Variants in TMEM38B observed in about 807,000 individuals in gnomAD.
TMEM38B encodes the protein transmembrane protein 38B, also known as trimeric intracellular cation channel type B.
Under a neutral mutation model 28.7 loss-of-function variants are expected in TMEM38B, and 24 were observed. That is an observed-to-expected ratio of 0.84 (90% CI 0.61 to 1.18). TMEM38B has a LOEUF of 1.18. TMEM38B is among the 50% of genes most tolerant of loss of function. The pLI is 0.00. For missense variants in TMEM38B, 380 were observed against 350.9 expected, an observed-to-expected ratio of 1.08 and a Z score of -0.66; for synonymous variants, 131 against 127.7, an observed-to-expected ratio of 1.03 and a Z score of -0.17.
rs749666459 is a variant in TMEM38B, at chr9:105,773,955, T to G, written c.751T>G (p.Phe251Val). Residue 251 changes from phenylalanine to valine, a missense_variant, in exon 6 of 6, where the codon TTT becomes GTT. Transcript: ENST00000374692. ...GATGCTATTTGGCTGGCAGCAGCCG[T>G]TTTCATCATGTGAGAAGAAAAGTGA... is the stretch of plus-strand genomic sequence containing the variant. ...SWMLFGWQQP[F>V]SSCEKKSEAK... The G allele has an allele frequency of 1.9e-6, 3 of 1,613,788 alleles. No individual in the cohort carries two copies. The highest frequency in any genetic ancestry group is 2.2e-5 in the South Asian group (2 of 91,070).
At chr9:105,713,764 T>C (rs186697593) in intron 2 of TMEM38B, among the ~76,000 whole-genome samples, 18 of 152,276 alleles carry the variant, frequency 1.2e-4, no homozygotes, top group Admixed American at 1.2e-3. Flanking sequence ...CATAGTGCCT[T>C]TTCCTGGGCC....
At chr9:105,739,266 A>C (rs1837098619) in intron 4 of TMEM38B, among the ~76,000 whole-genome samples, 1 of 148,996 alleles carries the variant, frequency 6.7e-6, no homozygotes, top group African/African-American at 2.5e-5. Flanking sequence ...ATTTTAGTTA[A>C]GTCCCCAAAT....
At chr9:105,734,372 C>T (rs1836886867) in intron 4 of TMEM38B, among the ~76,000 whole-genome samples, 1 of 151,998 alleles carries the variant, frequency 6.6e-6, no homozygotes, top group Non-Finnish European at 1.5e-5. Context: ...GTGGTCCATC[C>T]TGGAGAATGT....
intron 5 of TMEM38B, among the ~76,000 whole-genome samples, chr9:105,768,979 T>C (rs1298163706): frequency 6.6e-6 from 1 of 152,230 alleles, no homozygotes; most frequent in Non-Finnish European, 1.5e-5. Context: ...TTGATAAATT[T>C]GACTCCATAA....
In TMEM38B at chr9:105,776,605, T is replaced by C. The variant is rs1826723993; in HGVS notation, c.*2525T>C. Reference sequence around the variant, plus strand: ...TTCTTTCCCCCAATAAAGCCCTTTATAGTGTTTGCCCCAGGTGTAATTCAC... The same window carrying C: ...TTCTTTCCCCCAATAAAGCCCTTTACAGTGTTTGCCCCAGGTGTAATTCAC... On this transcript the variant is annotated 3_prime_UTR_variant, in exon 6 of 6. Coordinates refer to ENST00000374692, the MANE Select transcript of TMEM38B (RefSeq NM_018112.3). 1 of 152,186 alleles carries C rather than the reference T, an allele frequency of 6.6e-6. No individual in the cohort carries two copies. Among genetic ancestry groups the C allele is most frequent in the Admixed American group, 6.5e-5 (1 of 15,272 alleles). 9.4% of individuals were successfully genotyped at this position (152,186 alleles called of 1,614,324 possible).
At chr9:105,745,732 C>A (rs887798486) in intron 4 of TMEM38B, among the ~76,000 whole-genome samples, 36 of 152,088 alleles carry the variant, frequency 2.4e-4, no homozygotes, top group African/African-American at 4.1e-4. Context: ...TCTAACATTT[C>A]AGTCTTTAAT....
chr9:105,735,706 T>G (rs1836947172), intron 4 of TMEM38B, among the ~76,000 whole-genome samples: 1 of 152,202 alleles, frequency 6.6e-6, no homozygotes, highest in Non-Finnish European at 1.5e-5. Context: ...TCTGGATGTT[T>G]TTAGAATTCT....
At chr9:105,741,074 A>G (rs990228650) in intron 4 of TMEM38B, among the ~76,000 whole-genome samples, 2 of 152,184 alleles carry the variant, frequency 1.3e-5, no homozygotes, top group African/African-American at 4.8e-5. Flanking sequence ...TCCTTATAAG[A>G]GGAAAACAGA....
intron 2 of TMEM38B, among the ~76,000 whole-genome samples, chr9:105,713,693 A>G (rs1340298030): frequency 6.6e-6 from 1 of 152,160 alleles, no homozygotes; most frequent in Non-Finnish European, 1.5e-5. Context: ...CCCCACCTTC[A>G]GGCTTGGGCA....
chr9:105,694,583 C>A lies in TMEM38B; in HGVS notation c.-78C>A. 8.5e-7 allele frequency: 1 copy of A among 1,182,504 alleles called. No individual in the cohort carries two copies. The highest frequency in any genetic ancestry group is 1.2e-6 in the Non-Finnish European group (1 of 810,900). 73.3% of individuals were successfully genotyped at this position (1,182,504 alleles called of 1,614,324 possible). ...GGAGGAGCGGGCGGCCGCGGCTGTG[C>A]CCTCTCCTACTCCTCACCGCGCGAG... On this transcript the variant is annotated 5_prime_UTR_variant, in exon 1 of 6. Coordinates refer to ENST00000374692, the MANE Select transcript of TMEM38B (RefSeq NM_018112.3).
chr9:105,756,134 G>C (rs1837822856), intron 5 of TMEM38B, among the ~76,000 whole-genome samples: 1 of 152,162 alleles, frequency 6.6e-6, no homozygotes, highest in African/African-American at 2.4e-5. Context: ...GGGCAACAGA[G>C]CCAGACTCTG....
At chr9:105,723,256 C>T (rs1361484016) in intron 4 of TMEM38B, among the ~76,000 whole-genome samples, 4 of 152,138 alleles carry the variant, frequency 2.6e-5, no homozygotes, top group African/African-American at 9.7e-5. Context: ...GAGACAGATT[C>T]TGTTGTTCAG....
chr9:105,762,394 C>A (rs1256989780), intron 5 of TMEM38B, among the ~76,000 whole-genome samples: 1 of 142,318 alleles, frequency 7.0e-6, no homozygotes, highest in Non-Finnish European at 1.5e-5. Flanking sequence ...TCTCCCAATG[C>A]TATCCCTCCC....
intron 2 of TMEM38B, among the ~76,000 whole-genome samples, chr9:105,716,055 C>T (rs1411047223): frequency 6.6e-6 from 1 of 152,144 alleles, no homozygotes; most frequent in Non-Finnish European, 1.5e-5. Flanking sequence ...ATGTAGTGTT[C>T]AAAAGATGAG....
intron 4 of TMEM38B, among the ~76,000 whole-genome samples, chr9:105,739,835 C>T (rs111750072): frequency 1.3e-3 from 201 of 151,844 alleles, no homozygotes; most frequent in African/African-American, 4.6e-3. Flanking sequence ...GGTTTTAAGT[C>T]TTCCAATGTA....
intron 1 of TMEM38B, among the ~76,000 whole-genome samples, chr9:105,699,581 G>T (rs908761982): frequency 1.1e-4 from 17 of 152,156 alleles, no homozygotes; most frequent in African/African-American, 3.1e-4. Context: ...TCTGCCTAAG[G>T]TGTGAAGGAC....
intron 4 of TMEM38B, among the ~76,000 whole-genome samples, chr9:105,742,800 C>T (rs185723475): frequency 1.6e-4 from 24 of 152,260 alleles, no homozygotes; most frequent in Admixed American, 1.5e-3. Context: ...AGCAGAATAA[C>T]CTTAAAACAG....
At chr9:105,740,035 A>G (rs1837137306) in intron 4 of TMEM38B, among the ~76,000 whole-genome samples, 1 of 150,750 alleles carries the variant, frequency 6.6e-6, no homozygotes, top group Admixed American at 6.6e-5. Flanking sequence ...GGTGCACACC[A>G]CCATGCCCAG....
rs1250479116 is a variant in TMEM38B at position 105,775,474 on chromosome 9, C to T, written c.*1394C>T. The T allele has an allele frequency of 6.6e-6, 1 of 151,902 alleles. No homozygotes were observed. The highest frequency in any genetic ancestry group is 1.5e-5 in the Non-Finnish European group (1 of 67,972). 9.4% of individuals were successfully genotyped at this position (151,902 alleles called of 1,614,324 possible). A position where few individuals can be genotyped will look rare whatever the true frequency, so the allele number is the denominator to read the frequency against. ...GTTTAGAAGTACTCAAGTCACATCA[C>T]ATTCAAGTTAGAAGTTTTTTTTTTG... is the stretch of plus-strand genomic sequence containing the variant. On this transcript the variant is annotated 3_prime_UTR_variant, in exon 6 of 6. Coordinates refer to ENST00000374692, the MANE Select transcript of TMEM38B (RefSeq NM_018112.3).
Sources: gnomAD v4.1 joint callset for allele counts (sites outside exome capture counted in the v4.1 genomes callset) on GRCh38, gnomAD v4.1.1 for gene constraint, MANE v1.5 for transcripts, NCBI Gene and HGNC (gene_info 2026-07-23, HGNC 2026-07-21) for gene names.